The following TRIO variants were observed in gnomAD, a reference collection of about 807,000 sequenced individuals.
TRIO encodes the protein trio Rho guanine nucleotide exchange factor, also known as triple functional domain protein.
A neutral mutation model predicts 351.9 loss-of-function variants in TRIO; 58 were observed. The ratio of observed to expected loss-of-function variants is 0.16; its 90% CI spans 0.13 to 0.21. The LOEUF is 0.21. TRIO is among the 10% of genes least tolerant of loss of function. The pLI, the probability that TRIO is intolerant of heterozygous loss-of-function variation, is 1.00. For missense variants in TRIO, 3,201 were observed against 4,027.8 expected (o/e 0.79, Z 5.56); for synonymous variants, 1,758 against 1,595.7 (o/e 1.10, Z -2.42).
chr5:14,299,890 C>T (rs80178298), intron 7 of TRIO, among the ~76,000 whole-genome samples: 5 of 152,208 alleles, frequency 3.3e-5, no homozygotes, highest in East Asian at 1.9e-4. Context: ...TTAGCTGCAC[C>T]GTCCGGCCCT....
chr5:14,253,469 C>T (rs1794857226), intron 1 of TRIO, among the ~76,000 whole-genome samples: 1 of 152,202 alleles, frequency 6.6e-6, no homozygotes, highest in African/African-American at 2.4e-5. Flanking sequence ...GATCCTCCTG[C>T]CTCAGCCTGA....
Position 14,488,110 on chromosome 5 carries a change from C to A in TRIO, c.7482C>A (p.Ala2494=). 6.2e-7 allele frequency: 1 copy of A among 1,609,770 alleles called. No individual in the cohort carries two copies. The change falls in exon 48 of 57, where the codon GCC becomes GCA. Residue 2494 remains alanine, a synonymous_variant. Coordinates refer to ENST00000344204, the MANE Select transcript of TRIO (RefSeq NM_007118.4). ...SFWSSIPASP[A]SRPGSFTFPG... ...GGAGCTCCATCCCCGCCTCCCCCGC[C>A]AGCCGACCCGGCTCCTTCACCTTCC...
intron 1 of TRIO, among the ~76,000 whole-genome samples, chr5:14,152,434 A>G (rs1312408344): frequency 6.6e-6 from 1 of 152,136 alleles, no homozygotes; most frequent in Non-Finnish European, 1.5e-5. Flanking sequence ...GCAATGGCGC[A>G]ATCTTGGCTC....
At chr5:14,341,878 C>G (rs903992191) in intron 11 of TRIO, among the ~76,000 whole-genome samples, 1 of 152,220 alleles carries the variant, frequency 6.6e-6, no homozygotes, top group African/African-American at 2.4e-5. Flanking sequence ...GTAAAGGAAG[C>G]CTCTTGGTTC....
At chr5:14,481,762 T>C (rs1383062039) in intron 45 of TRIO, 144 bp downstream of exon 45, 17 of 658,502 alleles carry the variant, frequency 2.6e-5, no homozygotes, top group Middle Eastern at 3.3e-4. Context: ...CTGATTGATA[T>C]TTTATTTCCT....
At chr5:14,336,125 AT>A (rs1163645752) in intron 10 of TRIO, among the ~76,000 whole-genome samples, 1 of 152,264 alleles carries the variant, frequency 6.6e-6, no homozygotes, top group African/African-American at 2.4e-5. Context: ...ATCGTAAAGC[AT>A]TGTATCATAC....
intron 18 of TRIO, among the ~76,000 whole-genome samples, chr5:14,370,519 T>C (rs1452276481): frequency 1.3e-5 from 2 of 152,194 alleles, no homozygotes; most frequent in Non-Finnish European, 2.9e-5. Flanking sequence ...CTCACCTCTC[T>C]GACCACTTTC....
At chr5:14,361,210 T>C (rs1169303927) in intron 13 of TRIO, among the ~76,000 whole-genome samples, 2 of 152,280 alleles carry the variant, frequency 1.3e-5, no homozygotes, top group Middle Eastern at 3.4e-3. Context: ...CTTAATACTA[T>C]AAAGAGAAAA....
At chr5:14,459,531 A>G (rs1040612161) in intron 34 of TRIO, among the ~76,000 whole-genome samples, 6 of 152,210 alleles carry the variant, frequency 3.9e-5, no homozygotes, top group African/African-American at 1.4e-4. Context: ...ACGTCACACA[A>G]GTCCATGGAT....
chr5:14,320,827 G>C (rs1739812317), intron 9 of TRIO, among the ~76,000 whole-genome samples: 1 of 152,166 alleles, frequency 6.6e-6, no homozygotes, highest in Non-Finnish European at 1.5e-5. Context: ...GACTGTGCCA[G>C]GCTCATCTGC....
At chr5:14,294,957 TC>T (rs1196908720) in intron 6 of TRIO, among the ~76,000 whole-genome samples, 1 of 152,198 alleles carries the variant, frequency 6.6e-6, no homozygotes, top group East Asian at 1.9e-4. Flanking sequence ...TTTCTAATTT[TC>T]TACAATATAC....
intron 8 of TRIO, among the ~76,000 whole-genome samples, chr5:14,307,335 C>T (rs528359133): frequency 6.6e-6 from 1 of 152,358 alleles, no homozygotes; most frequent in Non-Finnish European, 1.5e-5. Flanking sequence ...GTCTGGGGCA[C>T]TGTCCAGCAA....
chr5:14,143,364 G>C lies in TRIO; in HGVS notation c.-362G>C, dbSNP rs1277198874. ...CCCATTGAAATCAAGATGGAGGCTC[G>C]CGGCAGCCGCCGGCGCCCGTGATCC... On this transcript the variant is annotated 5_prime_UTR_variant, in exon 1 of 57. Transcript: ENST00000344204. Among the ~76,000 whole-genome samples, 3 of 150,038 alleles carry C rather than the reference G, an allele frequency of 2.0e-5. No homozygotes were observed. The highest frequency in any genetic ancestry group is 6.6e-5 in the Admixed American group (1 of 15,120).
chr5:14,438,377 T>G (rs1751762289), intron 34 of TRIO, among the ~76,000 whole-genome samples: 2 of 152,248 alleles, frequency 1.3e-5, no homozygotes, highest in Non-Finnish European at 2.9e-5. Context: ...GCAGATCAAA[T>G]GAGGTTTAAG....
At chr5:14,446,641 G>A (rs1489132288) in intron 34 of TRIO, among the ~76,000 whole-genome samples, 1 of 152,116 alleles carries the variant, frequency 6.6e-6, no homozygotes, top group Non-Finnish European at 1.5e-5. Flanking sequence ...TCCAGTCTGT[G>A]CGACATGTCT....
chr5:14,149,770 C>T (rs1787719364), intron 1 of TRIO, among the ~76,000 whole-genome samples: 1 of 152,148 alleles, frequency 6.6e-6, no homozygotes, highest in Non-Finnish European at 1.5e-5. Flanking sequence ...GTTTTGGAGG[C>T]ATCTTCCTAT....
At chr5:14,388,455 G>A (rs965151686) in intron 23 of TRIO, among the ~76,000 whole-genome samples, 158 bp from the exon 24 acceptor site, 1 of 152,130 alleles carries the variant, frequency 6.6e-6, no homozygotes, top group Non-Finnish European at 1.5e-5. Context: ...CTTTGAATTA[G>A]CGGGTGGATA....
chr5:14,461,104 G>C lies in TRIO; in HGVS notation c.5289G>C (p.Ser1763=). 1 of 1,564,442 alleles carries C rather than the reference G, an allele frequency of 6.4e-7. No homozygotes were observed. Among genetic ancestry groups the C allele is most frequent in the Admixed American group, 1.9e-5 (1 of 53,486 alleles). The change falls in exon 35 of 57, where the codon TCG becomes TCC. Residue 1763 remains serine (S), a synonymous_variant. Coordinates refer to ENST00000344204, the MANE Select transcript of TRIO (RefSeq NM_007118.4). Reference sequence around the variant, plus strand: ...CCCACATGATCGGGGCCCAGAGCTCGCCGGGCCCCAAGCGGCCGGGCAACA... The same window carrying C: ...CCCACATGATCGGGGCCCAGAGCTCCCCGGGCCCCAAGCGGCCGGGCAACA... The part of the protein sequence containing the change: ...LQPHMIGAQS[S]PGPKRPGNTL...
At chr5:14,456,637 A>G (rs1284132231) in intron 34 of TRIO, among the ~76,000 whole-genome samples, 2 of 152,210 alleles carry the variant, frequency 1.3e-5, no homozygotes, top group Non-Finnish European at 2.9e-5. Context: ...CTTCTGGGGA[A>G]AGGCAACTGT....
Sources: allele counts gnomAD v4.1 joint callset (sites outside exome capture counted in the v4.1 genomes callset), GRCh38; gene constraint gnomAD v4.1.1; transcripts MANE v1.5; gene names NCBI Gene and HGNC (gene_info 2026-07-23, HGNC 2026-07-21).